ZFPM2: variants seen among roughly 807,000 people sequenced by gnomAD.
The protein encoded by ZFPM2 is zinc finger protein, FOG family member 2, also known as zinc finger protein ZFPM2.
In ZFPM2, 20 loss-of-function variants were observed where a neutral mutation model predicts 98.6. That is an observed-to-expected ratio of 0.20 (90% CI 0.14 to 0.29). The LOEUF (loss-of-function observed/expected upper bound fraction) is 0.29, where lower values mean the gene tolerates loss of function less well. Among genes scored for constraint, ZFPM2 ranks in the 10% least tolerant of loss-of-function variants. ZFPM2 has a pLI of 1.00. For synonymous variants in ZFPM2, 518 were observed against 502.7 expected, an observed-to-expected ratio of 1.03 and a Z score of -0.41; for missense variants, 1,310 against 1,388.6, an observed-to-expected ratio of 0.94 and a Z score of 0.90.
intron 4 of ZFPM2, among the ~76,000 whole-genome samples, chr8:105,588,702 G>A (rs557360413): frequency 6.6e-6 from 1 of 152,286 alleles, no homozygotes; most frequent in Non-Finnish European, 1.5e-5. Context: ...TTCTTTTGCA[G>A]TAGGGCCTTC....
chr8:105,380,941 T>TATATATTATAATA (rs1586330614), intron 1 of ZFPM2, among the ~76,000 whole-genome samples: 1 of 112,212 alleles, frequency 8.9e-6, no homozygotes, highest in Non-Finnish European at 1.7e-5. Flanking sequence ...ATATATATTA[T>TATATATTATAATA]TATACTTTAA....
chr8:105,631,839 ACTAT>A (rs1481907704), intron 4 of ZFPM2, among the ~76,000 whole-genome samples: 4 of 152,342 alleles, frequency 2.6e-5, no homozygotes, highest in Admixed American at 6.5e-5. Context: ...GTAAGTGATC[ACTAT>A]CTATTTTTTA....
At chr8:105,520,932 A>G (rs1388527397) in intron 3 of ZFPM2, among the ~76,000 whole-genome samples, 2 of 152,106 alleles carry the variant, frequency 1.3e-5, no homozygotes, top group African/African-American at 2.4e-5. Context: ...TGTCTACAAG[A>G]CACTGCTGAA....
intron 4 of ZFPM2, among the ~76,000 whole-genome samples, chr8:105,597,666 C>T (rs530283017): frequency 6.6e-6 from 1 of 152,184 alleles, no homozygotes; most frequent in East Asian, 1.9e-4. Flanking sequence ...AGGCTGCTAT[C>T]AACCCATCTT....
intron 1 of ZFPM2, among the ~76,000 whole-genome samples, chr8:105,394,107 A>G (rs1450493877): frequency 1.3e-5 from 2 of 151,992 alleles, no homozygotes; most frequent in Non-Finnish European, 2.9e-5. Context: ...GTTAGCCAGG[A>G]TGGTCTCTAT....
At chr8:105,530,975 A>G (rs1179343549) in intron 3 of ZFPM2, among the ~76,000 whole-genome samples, 1 of 152,160 alleles carries the variant, frequency 6.6e-6, no homozygotes, top group Non-Finnish European at 1.5e-5. Context: ...CTCAATATAT[A>G]TTTAATGAAG....
intron 5 of ZFPM2, among the ~76,000 whole-genome samples, chr8:105,725,496 C>G (rs566184815): frequency 6.6e-6 from 1 of 151,682 alleles, no homozygotes; most frequent in East Asian, 2.0e-4. Context: ...AAGACCAAGA[C>G]AATTGTTTCA....
chr8:105,579,306 T>C (rs1815535613), intron 4 of ZFPM2, among the ~76,000 whole-genome samples: 1 of 152,156 alleles, frequency 6.6e-6, no homozygotes, highest in Non-Finnish European at 1.5e-5. Flanking sequence ...TAAAATCAAG[T>C]TAGAAAGTAA....
intron 3 of ZFPM2, among the ~76,000 whole-genome samples, chr8:105,450,214 A>G (rs1485024785): frequency 6.6e-6 from 1 of 152,122 alleles, no homozygotes; most frequent in Non-Finnish European, 1.5e-5. Flanking sequence ...TAAACTAGTA[A>G]GATGATCACT....
chr8:105,385,856 A>T (rs77137291), intron 1 of ZFPM2, among the ~76,000 whole-genome samples: 1,603 of 152,276 alleles, frequency 0.011, 24 homozygotes, highest in African/African-American at 0.036. Context: ...GGGTGAAAAG[A>T]AATGTTGGCA....
intron 3 of ZFPM2, 91 bp downstream of exon 3, chr8:105,444,472 A>C: frequency 1.1e-6 from 1 of 944,506 alleles, no homozygotes. Flanking sequence ...AGCTTGCAAA[A>C]AATGTTTTTG....
chr8:105,349,687 A>C (rs1448547748), intron 1 of ZFPM2, among the ~76,000 whole-genome samples: 3 of 152,198 alleles, frequency 2.0e-5, no homozygotes, highest in Non-Finnish European at 4.4e-5. Context: ...GATATGGGAG[A>C]TGTAGATGTA....
chr8:105,412,244 A>G (rs961823073), intron 1 of ZFPM2, among the ~76,000 whole-genome samples: 1 of 151,852 alleles, frequency 6.6e-6, no homozygotes, highest in Non-Finnish European at 1.5e-5. Context: ...TGTGTGGTCA[A>G]ATTGAATTCT....
In ZFPM2 at chr8:105,500,930, A is replaced by G. The variant is rs1813580397; in HGVS notation, c.301+56549A>G. Among the ~76,000 whole-genome samples, 5 of 152,208 alleles carry G rather than the reference A, an allele frequency of 3.3e-5. No individual in the cohort carries two copies. In the South Asian group the frequency reaches 1.0e-3, roughly 31 times the overall value. ...TGAAAAACGTAAAGAAGAAAGATTTAGTCAAAATTAGTTAAGCATCTGTTT... is the reference window on the plus strand; with the variant it reads ...TGAAAAACGTAAAGAAGAAAGATTTGGTCAAAATTAGTTAAGCATCTGTTT... On this transcript the variant is annotated intron_variant, in intron 3 of 7. Transcript: ENST00000407775.
chr8:105,794,375 G>A (rs537754004), intron 6 of ZFPM2, among the ~76,000 whole-genome samples: 65 of 152,270 alleles, frequency 4.3e-4, no homozygotes, highest in Middle Eastern at 3.4e-3. Flanking sequence ...TAGCAGCAGC[G>A]GTGTCTGCAG....
At chr8:105,458,054 A>G (rs1208509858) in intron 3 of ZFPM2, among the ~76,000 whole-genome samples, 1 of 152,194 alleles carries the variant, frequency 6.6e-6, no homozygotes. Flanking sequence ...AGTAAGGCTG[A>G]CTTGGCTCTT....
At chr8:105,603,744 A>T (rs13282792) in intron 4 of ZFPM2, among the ~76,000 whole-genome samples, 30,112 of 151,928 alleles carry the variant, frequency 0.2, 3,043 homozygotes, top group South Asian at 0.26. Context: ...GTTCTTCATC[A>T]GTTTTTTAAG....
At chr8:105,729,179 G>A (rs937692514) in intron 5 of ZFPM2, among the ~76,000 whole-genome samples, 1 of 151,586 alleles carries the variant, frequency 6.6e-6, no homozygotes, top group Non-Finnish European at 1.5e-5. Flanking sequence ...TATCTCTGAA[G>A]GTTAAGTTCA....
At chr8:105,742,770 G>C (rs1490541072) in intron 5 of ZFPM2, among the ~76,000 whole-genome samples, 11 of 152,054 alleles carry the variant, frequency 7.2e-5, no homozygotes, top group Admixed American at 7.2e-4. Context: ...CAGGTTGCCT[G>C]TGATCCCAGC....
Sources: gnomAD v4.1 joint callset for allele counts (sites outside exome capture counted in the v4.1 genomes callset) on GRCh38, gnomAD v4.1.1 for gene constraint, MANE v1.5 for transcripts, NCBI Gene and HGNC (gene_info 2026-07-23, HGNC 2026-07-21) for gene names.